ANKRD6: variants seen among roughly 807,000 people sequenced by gnomAD.
ANKRD6 encodes the protein ankyrin repeat domain 6.
Under a neutral mutation model 82.3 loss-of-function variants are expected in ANKRD6, and 56 were observed. That is an observed-to-expected ratio of 0.68 (90% CI 0.55 to 0.85). The LOEUF (loss-of-function observed/expected upper bound fraction) is 0.85. Ranked by LOEUF, ANKRD6 falls within the 40% of genes least tolerant of loss-of-function variation. The pLI is 0.00. For synonymous variants in ANKRD6, 347 were observed against 352.1 expected, an observed-to-expected ratio of 0.99 and a Z score of 0.16; for missense variants, 852 against 907.6, an observed-to-expected ratio of 0.94 and a Z score of 0.79.
intron 1 of ANKRD6, among the ~76,000 whole-genome samples, chr6:89,550,615 G>T (rs1034752430): frequency 6.6e-6 from 1 of 152,152 alleles, no homozygotes; most frequent in Non-Finnish European, 1.5e-5. Flanking sequence ...CTGTTAGAAA[G>T]TTCTACATGC....
At chr6:89,524,292 C>T (rs920712133) in intron 1 of ANKRD6, among the ~76,000 whole-genome samples, 1 of 152,018 alleles carries the variant, frequency 6.6e-6, no homozygotes, top group South Asian at 2.1e-4. Flanking sequence ...GTCCTTTATC[C>T]CTCACCCCCC....
chr6:89,537,831 G>C (rs1330389774), intron 1 of ANKRD6, among the ~76,000 whole-genome samples: 1 of 145,458 alleles, frequency 6.9e-6, no homozygotes, highest in Non-Finnish European at 1.5e-5. Flanking sequence ...AGAAGGTAGA[G>C]GTTACAAACG....
At chr6:89,583,863 C>T (rs896824831) in intron 2 of ANKRD6, among the ~76,000 whole-genome samples, 1 of 152,212 alleles carries the variant, frequency 6.6e-6, no homozygotes, top group African/African-American at 2.4e-5. Flanking sequence ...TGCTTCTCTC[C>T]TCAACTCTAG....
intron 9 of ANKRD6, among the ~76,000 whole-genome samples, chr6:89,620,695 T>G (rs1451231583): frequency 6.6e-6 from 1 of 152,146 alleles, no homozygotes; most frequent in Non-Finnish European, 1.5e-5. Context: ...TGACTGACAG[T>G]CCACTGCATG....
intron 10 of ANKRD6, among the ~76,000 whole-genome samples, 169 bp downstream of exon 10, chr6:89,622,195 C>T (rs1361272180): frequency 1.3e-5 from 2 of 152,208 alleles, no homozygotes; most frequent in Non-Finnish European, 2.9e-5. Flanking sequence ...GGTTTCACAT[C>T]CTCCATTCCC....
intron 3 of ANKRD6, among the ~76,000 whole-genome samples, chr6:89,599,339 C>CT (rs1796582743): frequency 6.6e-6 from 1 of 152,200 alleles, no homozygotes; most frequent in Non-Finnish European, 1.5e-5. Context: ...TGCCACTGCA[C>CT]TCTAGCATAG....
chr6:89,468,364 A>C (rs1041592100), intron 1 of ANKRD6, among the ~76,000 whole-genome samples: 12 of 152,148 alleles, frequency 7.9e-5, no homozygotes, highest in Non-Finnish European at 1.3e-4. Context: ...AGCACAAATC[A>C]AGTTTCTACC....
In ANKRD6 at chr6:89,487,784, A is replaced by C. The variant is rs540401486; in HGVS notation, c.-144+54409A>C. Among the ~76,000 whole-genome samples, 56 of 152,348 alleles carry C rather than the reference A, an allele frequency of 3.7e-4. No homozygotes were observed. The South Asian group carries it at 0.011, about 31-fold the overall frequency. ...GAGAGGATGTGAATGTGTAGTCCTC[A>C]GACTCTCTTCCCTGCAACCTAGTTT... On this transcript the variant is annotated intron_variant, in intron 1 of 15. Transcript: ENST00000339746.
At chr6:89,558,276 A>G (rs1445474710) in intron 1 of ANKRD6, among the ~76,000 whole-genome samples, 10 of 152,222 alleles carry the variant, frequency 6.6e-5, no homozygotes, top group Non-Finnish European at 4.4e-5. Flanking sequence ...GAATGTTTAT[A>G]GCATTTTTAT....
intron 6 of ANKRD6, 86 bp from the exon 7 acceptor site, chr6:89,613,706 G>T: frequency 8.1e-7 from 1 of 1,231,668 alleles, no homozygotes; most frequent in Non-Finnish European, 1.2e-6. Context: ...TAGTCTGCTA[G>T]CTTTTAAATA....
intron 1 of ANKRD6, among the ~76,000 whole-genome samples, chr6:89,530,801 G>A (rs1783051713): frequency 6.6e-6 from 1 of 152,180 alleles, no homozygotes; most frequent in South Asian, 2.1e-4. Flanking sequence ...TGGGTGGAGA[G>A]GTTCCAGTAA....
At chr6:89,485,159 A>G (rs896983798) in intron 1 of ANKRD6, among the ~76,000 whole-genome samples, 15 of 152,208 alleles carry the variant, frequency 9.9e-5, no homozygotes, top group African/African-American at 3.6e-4. Flanking sequence ...GTAACACTGG[A>G]CTAGATGATT....
intron 1 of ANKRD6, among the ~76,000 whole-genome samples, chr6:89,480,407 A>G (rs918973963): frequency 6.6e-6 from 1 of 152,176 alleles, no homozygotes; most frequent in Non-Finnish European, 1.5e-5. Context: ...GCTCTGTCCC[A>G]GTGAGGGGAG....
At chr6:89,579,756 C>CAAAAAAAAAAAAAAAAAAAAA (rs61159223) in intron 2 of ANKRD6, among the ~76,000 whole-genome samples, 1 of 68,514 alleles carries the variant, frequency 1.5e-5, no homozygotes, top group Non-Finnish European at 2.5e-5. Flanking sequence ...GACCCTGTCT[C>CAAAAAAAAAAAAAAAAAAAAA]AAAAAAAAAA....
chr6:89,536,750 TG>T (rs1295404272), intron 1 of ANKRD6, among the ~76,000 whole-genome samples: 2 of 152,234 alleles, frequency 1.3e-5, no homozygotes, highest in African/African-American at 2.4e-5. Context: ...GCCAGCAGGC[TG>T]GTGGGTCCTT....
At chr6:89,570,042 C>CGTGT (rs1301860033) in intron 2 of ANKRD6, among the ~76,000 whole-genome samples, 1 of 132,232 alleles carries the variant, frequency 7.6e-6, no homozygotes, top group South Asian at 3.0e-4. Flanking sequence ...ATGTTATACT[C>CGTGT]GTGTGTGTGT....
At chr6:89,603,822 CA>C (rs1290068622) in intron 4 of ANKRD6, among the ~76,000 whole-genome samples, 1 of 152,014 alleles carries the variant, frequency 6.6e-6, no homozygotes, top group Non-Finnish European at 1.5e-5. Flanking sequence ...ACTGTCTCCA[CA>C]AAAAATTTGA....
At chr6:89,607,850 G>A (rs1244636867) in intron 5 of ANKRD6, among the ~76,000 whole-genome samples, 2 of 144,740 alleles carry the variant, frequency 1.4e-5, no homozygotes, top group Non-Finnish European at 3.0e-5. Flanking sequence ...GTTTCACCAT[G>A]TTGGCCAGGC....
chr6:89,434,199 G>A lies in ANKRD6; in HGVS notation c.-144+824G>A, dbSNP rs145679959. On this transcript the variant is annotated intron_variant, in intron 1 of 15. Transcript: ENST00000339746. ...GGAAAACCCACTTCTTTAAACCTTA[G>A]TTTTTAGAACTCTAAACTGCAGGTA... Among the ~76,000 whole-genome samples, 823 of 152,246 alleles carry A rather than the reference G, an allele frequency of 5.4e-3. 6 individuals are homozygous for A. Among genetic ancestry groups the A allele is most frequent in the South Asian group, 0.016 (79 of 4,816 alleles).
Sources: gnomAD v4.1 joint callset for allele counts (sites outside exome capture counted in the v4.1 genomes callset) on GRCh38, gnomAD v4.1.1 for gene constraint, MANE v1.5 for transcripts, NCBI Gene and HGNC (gene_info 2026-07-23, HGNC 2026-07-21) for gene names.